Variants in HYDIN observed in about 807,000 individuals in gnomAD.
HYDIN encodes the protein HYDIN axonemal central pair apparatus protein, also known as axonemal central pair apparatus protein HYDIN.
In HYDIN, 132 loss-of-function variants were observed where a neutral mutation model predicts 403.9. That is an observed-to-expected ratio of 0.33 (90% CI 0.28 to 0.38). The LOEUF (loss-of-function observed/expected upper bound fraction) is 0.38. HYDIN is among the 10% of genes least tolerant of loss of function. HYDIN has a pLI of 1.00. For synonymous variants in HYDIN, 1,202 were observed against 1,891.7 expected (o/e 0.64, Z 9.46); for missense variants, 2,827 against 5,009.5 (o/e 0.56, Z 13.15).
chr16:70,974,330 T>C lies in HYDIN; in HGVS notation c.4910-30A>G, dbSNP rs761949652. 2.6e-5 allele frequency: 39 copies of C among 1,499,008 alleles called. No individual in the cohort carries two copies. The Admixed American group carries it at 2.9e-4, about 11-fold the overall frequency. The allele number at this position is 1,499,008 out of a possible 1,614,324, so 92.9% of individuals were successfully genotyped here. On this transcript the variant is annotated intron_variant, in intron 32 of 85. Transcript: ENST00000393567. ...ACCAAGACAAAAAAAAATTTCTTCA[T>C]GGAAAAGAGAAACAGCAAACAAGAG...
intron 13 of HYDIN, among the ~76,000 whole-genome samples, chr16:71,077,472 T>G (rs6499440): frequency 6.8e-5 from 10 of 146,828 alleles, no homozygotes; most frequent in South Asian, 2.3e-4. Flanking sequence ...CTTGCTAAAC[T>G]CTTATTAGTT....
At chr16:71,127,140 T>A (rs1597836454) in intron 9 of HYDIN, among the ~76,000 whole-genome samples, 2 of 152,238 alleles carry the variant, frequency 1.3e-5, no homozygotes, top group Non-Finnish European at 2.9e-5. Flanking sequence ...TTGACCAGAA[T>A]AACTTTGGGA....
At chr16:71,071,302 T>C (rs981162879) in intron 13 of HYDIN, among the ~76,000 whole-genome samples, 3 of 150,924 alleles carry the variant, frequency 2.0e-5, no homozygotes, top group Non-Finnish European at 4.4e-5. Flanking sequence ...ATATCCCATA[T>C]TGCTTGTCAA....
intron 18 of HYDIN, among the ~76,000 whole-genome samples, chr16:71,053,474 G>C (rs1417204632): frequency 6.6e-6 from 1 of 152,108 alleles, no homozygotes; most frequent in Non-Finnish European, 1.5e-5. Flanking sequence ...AGTATCCACA[G>C]CAATTAAAAT....
intron 84 of HYDIN, among the ~76,000 whole-genome samples, chr16:70,810,689 G>A (rs973936049): frequency 3.9e-5 from 6 of 152,228 alleles, no homozygotes; most frequent in Admixed American, 2.0e-4. Context: ...AATTAGCTGG[G>A]CGCAGTGGTG....
At chr16:70,926,083 C>T (rs1394184591) in intron 45 of HYDIN, among the ~76,000 whole-genome samples, 1 of 150,054 alleles carries the variant, frequency 6.7e-6, no homozygotes, top group African/African-American at 2.5e-5. Context: ...ACTAGAAATA[C>T]CATTTGACCC....
At chr16:71,145,213 T>C (rs1177344740) in intron 7 of HYDIN, among the ~76,000 whole-genome samples, 5 of 151,632 alleles carry the variant, frequency 3.3e-5, no homozygotes, top group Non-Finnish European at 7.4e-5. Flanking sequence ...AAAGGTAACA[T>C]CAGAACCTCA....
intron 1 of HYDIN, among the ~76,000 whole-genome samples, chr16:71,227,544 T>C (rs1485619360): frequency 1.3e-5 from 2 of 152,146 alleles, no homozygotes; most frequent in Non-Finnish European, 2.9e-5. Flanking sequence ...AGCCAAATCA[T>C]GAGTGAACTC....
chr16:71,149,400 A>AT (rs2085446412), intron 7 of HYDIN, among the ~76,000 whole-genome samples: 1 of 149,864 alleles, frequency 6.7e-6, no homozygotes, highest in African/African-American at 2.4e-5. Flanking sequence ...TATGATGACT[A>AT]TATCACTCAG....
intron 58 of HYDIN, among the ~76,000 whole-genome samples, chr16:70,886,086 C>T (rs1019741192): frequency 1.3e-5 from 2 of 149,706 alleles, no homozygotes; most frequent in Admixed American, 6.6e-5. Context: ...GTTTAAACCA[C>T]TAATGTTGGA....
At chr16:71,051,645 C>CAAAAAAAAAAAAAAAAAAAAA (rs56676777) in intron 18 of HYDIN, among the ~76,000 whole-genome samples, 3 of 120,198 alleles carry the variant, frequency 2.5e-5, no homozygotes, top group South Asian at 2.7e-4. Context: ...GACTCTGTCT[C>CAAAAAAAAAAAAAAAAAAAAA]AAAAAAAAAA....
At chr16:70,811,457 G>C (rs965252009) in intron 84 of HYDIN, 4 of 152,404 alleles carry the variant, frequency 2.6e-5, no homozygotes, top group African/African-American at 9.7e-5. Context: ...TTTTAAAAAA[G>C]AAAAATATCA....
chr16:70,822,559 GTTATA>G, intron 83 of HYDIN, among the ~76,000 whole-genome samples: 1 of 152,346 alleles, frequency 6.6e-6, no homozygotes, highest in East Asian at 1.9e-4. Flanking sequence ...TTTGAAAGAA[GTTATA>G]TTGTGGGTAA....
chr16:71,067,772 T>G (rs1022123061), intron 14 of HYDIN, among the ~76,000 whole-genome samples: 1 of 152,134 alleles, frequency 6.6e-6, no homozygotes, highest in African/African-American at 2.4e-5. Context: ...AATATACTAG[T>G]AAAACACTAT....
chr16:71,055,771 C>T (rs1044552997), intron 18 of HYDIN, among the ~76,000 whole-genome samples: 3 of 151,788 alleles, frequency 2.0e-5, no homozygotes, highest in African/African-American at 7.3e-5. Context: ...TGTCTTGGTG[C>T]CATCTGAGTC....
intron 45 of HYDIN, among the ~76,000 whole-genome samples, chr16:70,922,621 G>A (rs2077028246): frequency 6.6e-6 from 1 of 151,792 alleles, no homozygotes; most frequent in South Asian, 2.1e-4. Context: ...TGTTCATTTG[G>A]AAATTAGAAA....
chr16:70,886,471 T>G (rs997295990), intron 58 of HYDIN, among the ~76,000 whole-genome samples: 43 of 151,980 alleles, frequency 2.8e-4, no homozygotes, highest in Non-Finnish European at 4.9e-4. Flanking sequence ...GGAAGAGAAG[T>G]AAGGTCTACT....
intron 76 of HYDIN, among the ~76,000 whole-genome samples, chr16:70,839,842 T>C (rs1341161033): frequency 7.0e-6 from 1 of 143,750 alleles, no homozygotes; most frequent in Non-Finnish European, 1.5e-5. Context: ...GGCATTGCTC[T>C]ACATACTTCA....
intron 53 of HYDIN, among the ~76,000 whole-genome samples, chr16:70,899,792 G>T (rs2076311235): frequency 6.6e-6 from 1 of 152,254 alleles, no homozygotes; most frequent in Admixed American, 6.5e-5. Context: ...GAGAAGCCCA[G>T]TTGAAACAGC....
Sources: gnomAD v4.1 joint callset for allele counts (sites outside exome capture counted in the v4.1 genomes callset) on GRCh38, gnomAD v4.1.1 for gene constraint, MANE v1.5 for transcripts, NCBI Gene and HGNC (gene_info 2026-07-23, HGNC 2026-07-21) for gene names.